The following OSBPL10 variants were observed in gnomAD, a reference collection of about 807,000 sequenced individuals.
The protein encoded by OSBPL10 is oxysterol-binding protein-related protein 10.
In OSBPL10, 49 loss-of-function variants were observed where a neutral mutation model predicts 81.7. That is an observed-to-expected ratio of 0.60 (90% CI 0.48 to 0.76). The LOEUF (loss-of-function observed/expected upper bound fraction) is 0.76, where lower values mean the gene tolerates loss of function less well. Among genes scored for constraint, OSBPL10 ranks in the 30% least tolerant of loss-of-function variants. The pLI is 0.00. For missense variants in OSBPL10, 923 were observed against 987.8 expected, an observed-to-expected ratio of 0.93 and a Z score of 0.88; for synonymous variants, 419 against 383.6, an observed-to-expected ratio of 1.09 and a Z score of -1.08.
chr3:31,684,701 GC>G (rs1375607735), intron 7 of OSBPL10, among the ~76,000 whole-genome samples: 1 of 152,246 alleles, frequency 6.6e-6, no homozygotes, highest in Non-Finnish European at 1.5e-5. Flanking sequence ...AAAGGGCCCA[GC>G]TCCAGGACGG....
At chr3:32,008,741 C>G (rs1575084681) in intron 2 of OSBPL10, among the ~76,000 whole-genome samples, 1 of 122,702 alleles carries the variant, frequency 8.1e-6, no homozygotes, top group Non-Finnish European at 1.6e-5. Flanking sequence ...GCCTGGGAGA[C>G]AGAGTGAGAT....
intron 1 of OSBPL10, among the ~76,000 whole-genome samples, chr3:31,937,560 C>T (rs905994330): frequency 1.3e-5 from 2 of 152,084 alleles, no homozygotes; most frequent in Admixed American, 6.6e-5. Flanking sequence ...CCCCATCATG[C>T]CTTTCAGTCC....
intron 1 of OSBPL10, among the ~76,000 whole-genome samples, chr3:31,951,348 C>T (rs1321335234): frequency 6.6e-6 from 1 of 151,364 alleles, no homozygotes; most frequent in East Asian, 2.0e-4. Context: ...CTAAATAATA[C>T]AGAGAGATAA....
chr3:31,930,508 G>A (rs1259606825), intron 1 of OSBPL10, among the ~76,000 whole-genome samples: 1 of 152,144 alleles, frequency 6.6e-6, no homozygotes, highest in East Asian at 1.9e-4. Context: ...AAGTATGTAT[G>A]TACAGGTATT....
rs538698418 is a variant in OSBPL10 at position 31,829,803 on chromosome 3, T to C, written c.729+237A>G. ...TACATCCATATTTTTGTAGGCTTGCTTTCTCTGCTTTCCGAGTTCTCAGAG... is the reference window on the plus strand; with the variant it reads ...TACATCCATATTTTTGTAGGCTTGCCTTCTCTGCTTTCCGAGTTCTCAGAG... On this transcript the variant is annotated intron_variant, in intron 4 of 11. Transcript: ENST00000396556. Among the ~76,000 whole-genome samples the C allele has an allele frequency of 9.8e-5, 15 of 152,352 alleles. No homozygotes were observed. The East Asian group carries it at 2.9e-3, about 29-fold the overall frequency.
intron 4 of OSBPL10, among the ~76,000 whole-genome samples, chr3:31,788,964 T>TC (rs544460500): frequency 2.0e-4 from 30 of 152,070 alleles, no homozygotes; most frequent in Non-Finnish European, 4.1e-4. Context: ...TTTCTTTCTT[T>TC]TTTTTTTTGG....
At chr3:31,831,393 C>T (rs572531004) in intron 3 of OSBPL10, among the ~76,000 whole-genome samples, 80 of 147,306 alleles carry the variant, frequency 5.4e-4, no homozygotes, top group African/African-American at 1.9e-3. Flanking sequence ...GCAACAAGAG[C>T]GAAACTCCGT....
intron 6 of OSBPL10, among the ~76,000 whole-genome samples, chr3:31,713,454 C>T (rs930152557): frequency 6.6e-6 from 1 of 151,920 alleles, no homozygotes; most frequent in Admixed American, 6.6e-5. Context: ...TGGAGTGCAG[C>T]GGTGTGATCT....
chr3:31,845,050 C>CCAGCCTGG (rs1700595317), intron 3 of OSBPL10, among the ~76,000 whole-genome samples: 1 of 152,166 alleles, frequency 6.6e-6, no homozygotes, highest in Admixed American at 6.5e-5. Flanking sequence ...CCACTGCACT[C>CCAGCCTGG]CAGCCTGGGT....
Position 32,036,900 on chromosome 3 carries a change from A to G in OSBPL10, n.298+9591T>C, listed in dbSNP as rs569448171. 8.0e-4 allele frequency among the ~76,000 whole-genome samples: 122 copies of G among 152,288 alleles called. 1 individual carries two copies. Among genetic ancestry groups the G allele is most frequent in the South Asian group, 3.1e-3 (15 of 4,828 alleles). ...GGCTCTTGAACCATGGACAGCCACAAGGAGCTTACTTATCCTCATTCTAAC... is the reference window on the plus strand; with the variant it reads ...GGCTCTTGAACCATGGACAGCCACAGGGAGCTTACTTATCCTCATTCTAAC... On this transcript the variant is annotated intron_variant and non_coding_transcript_variant, in intron 2 of 3. Transcript: ENST00000479173.
chr3:31,765,892 C>T (rs1451202733), intron 4 of OSBPL10, among the ~76,000 whole-genome samples: 2 of 152,118 alleles, frequency 1.3e-5, no homozygotes, highest in African/African-American at 2.4e-5. Context: ...CACACTCATG[C>T]AAGGAGAAGG....
At chr3:31,904,975 A>C (rs1575608219) in intron 1 of OSBPL10, among the ~76,000 whole-genome samples, 2 of 152,212 alleles carry the variant, frequency 1.3e-5, no homozygotes, top group South Asian at 2.1e-4. Flanking sequence ...CTGCCACCGG[A>C]ATATAAAACA....
intron 3 of OSBPL10, among the ~76,000 whole-genome samples, chr3:31,836,034 C>G (rs1197899518): frequency 2.0e-5 from 3 of 152,086 alleles, no homozygotes; most frequent in African/African-American, 7.2e-5. Flanking sequence ...GTTGTCTATT[C>G]TTTCAAGCTT....
chr3:31,836,633 C>A (rs984140652), intron 3 of OSBPL10, among the ~76,000 whole-genome samples: 1 of 151,872 alleles, frequency 6.6e-6, no homozygotes, highest in African/African-American at 2.4e-5. Context: ...CAGGGCAAAC[C>A]TGAAGGTCCC....
intron 5 of OSBPL10, among the ~76,000 whole-genome samples, chr3:31,745,783 G>A (rs373592058): frequency 6.6e-6 from 1 of 152,244 alleles, no homozygotes; most frequent in East Asian, 1.9e-4. Context: ...TGTAGCAAAG[G>A]CCAAGTTCAG....
chr3:31,802,965 GT>G (rs1699422493), intron 4 of OSBPL10, among the ~76,000 whole-genome samples: 2 of 115,826 alleles, frequency 1.7e-5, no homozygotes, highest in African/African-American at 6.2e-5. Flanking sequence ...ATGGTATTGG[GT>G]CCTTTTTTTT....
At chr3:31,703,995 G>GGGAAGTTAGGGGTAGATT (rs1695979803) in intron 6 of OSBPL10, 1 of 152,200 alleles carries the variant, frequency 6.6e-6, no homozygotes, top group African/African-American at 2.4e-5. Context: ...TGAGCTGTGA[G>GGGAAGTTAGGGGTAGATT]CTACCCTGAT....
intron 1 of OSBPL10, among the ~76,000 whole-genome samples, chr3:31,882,205 G>T (rs773377244): frequency 1.1e-4 from 17 of 152,318 alleles, no homozygotes; most frequent in Non-Finnish European, 1.8e-4. Flanking sequence ...ATTCCTCTAA[G>T]AAATCGTCCA....
chr3:32,018,790 C>G (rs1699336928), intron 2 of OSBPL10, among the ~76,000 whole-genome samples: 1 of 151,368 alleles, frequency 6.6e-6, no homozygotes, highest in Non-Finnish European at 1.5e-5. Flanking sequence ...ATTAAACACA[C>G]CAAAAGAAAA....
Sources: gnomAD v4.1 joint callset for allele counts (sites outside exome capture counted in the v4.1 genomes callset) on GRCh38, gnomAD v4.1.1 for gene constraint, MANE v1.5 for transcripts, NCBI Gene and HGNC (gene_info 2026-07-23, HGNC 2026-07-21) for gene names.